The following CCDC171 variants were observed in gnomAD, a reference collection of about 807,000 sequenced individuals.
CCDC171 encodes the protein coiled-coil domain containing 171.
CCDC171 carries 177 observed loss-of-function variants against 168.2 expected under a neutral mutation model. The observed-to-expected ratio is 1.05, with a 90% CI of 0.93 to 1.19. CCDC171 has a LOEUF of 1.19. CCDC171 is among the 50% of genes most tolerant of loss of function. The pLI, the probability that CCDC171 is intolerant of heterozygous loss-of-function variation, is 0.00. For synonymous variants in CCDC171, 687 were observed against 540.8 expected (o/e 1.27, Z -3.75); for missense variants, 1,991 against 1,539.0 (o/e 1.29, Z -4.91).
chr9:15,829,211 A>G (rs2136214911), intron 21 of CCDC171, among the ~76,000 whole-genome samples: 3 of 152,330 alleles, frequency 2.0e-5, no homozygotes, highest in Admixed American at 2.0e-4. Flanking sequence ...TTATAGCAGG[A>G]ATCTGTATTT....
At chr9:15,915,811 T>G (rs1824418796) in intron 24 of CCDC171, among the ~76,000 whole-genome samples, 1 of 152,198 alleles carries the variant, frequency 6.6e-6, no homozygotes, top group Non-Finnish European at 1.5e-5. Flanking sequence ...TTTGAGGATT[T>G]TTATCATGAT....
chr9:16,093,491 G>T, the CCDC171 span, among the ~76,000 whole-genome samples: 1 of 152,224 alleles, frequency 6.6e-6, no homozygotes, highest in Non-Finnish European at 1.5e-5. Context: ...TCTGAAGAAC[G>T]TTTGAAATAT....
chr9:15,581,613 C>T (rs1442178144), intron 4 of CCDC171, among the ~76,000 whole-genome samples: 3 of 152,110 alleles, frequency 2.0e-5, no homozygotes, highest in Non-Finnish European at 4.4e-5. Context: ...ACAGAGCCCT[C>T]AGAAATAACA....
intron 21 of CCDC171, among the ~76,000 whole-genome samples, chr9:15,814,838 A>G (rs2059502094): frequency 6.6e-6 from 1 of 152,172 alleles, no homozygotes; most frequent in African/African-American, 2.4e-5. Context: ...CTATGTAAAA[A>G]GTGTAGTACT....
At chr9:15,643,944 T>C (rs1432978496) in intron 7 of CCDC171, among the ~76,000 whole-genome samples, 5 of 152,246 alleles carry the variant, frequency 3.3e-5, no homozygotes, top group East Asian at 1.9e-4. Context: ...TTCCATTCTA[T>C]GGATTCACAA....
intron 21 of CCDC171, among the ~76,000 whole-genome samples, chr9:15,832,714 A>C (rs536849538): frequency 6.6e-6 from 1 of 152,204 alleles, no homozygotes; most frequent in Non-Finnish European, 1.5e-5. Flanking sequence ...ACATTACTGT[A>C]TACTGCTGTC....
At chr9:15,720,444 G>A (rs369697750) in intron 11 of CCDC171, among the ~76,000 whole-genome samples, 1 of 152,264 alleles carries the variant, frequency 6.6e-6, no homozygotes, top group East Asian at 1.9e-4. Context: ...CCTAAGATTA[G>A]TATGTAGTAG....
chr9:16,030,876 G>A (rs1054937005), intron 6 of CCDC171, among the ~76,000 whole-genome samples: 2 of 152,130 alleles, frequency 1.3e-5, no homozygotes, highest in African/African-American at 4.8e-5. Context: ...TTTTCAAGAG[G>A]GTGGAGGGAA....
At chr9:15,576,252 T>G (rs2040654481) in intron 3 of CCDC171, among the ~76,000 whole-genome samples, 1 of 151,994 alleles carries the variant, frequency 6.6e-6, no homozygotes, top group Non-Finnish European at 1.5e-5. Context: ...GATGTGATCA[T>G]TGCTCCCTAC....
At position 15,626,561 on chromosome 9, in the gene CCDC171, G is replaced by A. The variant is rs150596092; in HGVS notation, c.822+3148G>A. Among the ~76,000 whole-genome samples the A allele has an allele frequency of 2.9e-3, 448 of 152,216 alleles. 1 individual carries two copies. The highest frequency in any genetic ancestry group is 9.6e-3 in the East Asian group (50 of 5,186). On this transcript the variant is annotated intron_variant, in intron 7 of 25. Coordinates refer to ENST00000380701, the MANE Select transcript of CCDC171 (RefSeq NM_173550.4). ...TTTGTCAAAGGCCTTTTCTGCATCT[G>A]TTGAGATAATCATGTGGTTTTTGTC... is the stretch of plus-strand genomic sequence containing the variant.
At chr9:15,890,884 C>G (rs184363122) in intron 24 of CCDC171, among the ~76,000 whole-genome samples, 1 of 152,068 alleles carries the variant, frequency 6.6e-6, no homozygotes, top group Non-Finnish European at 1.5e-5. Flanking sequence ...CTGGCTGAAG[C>G]ATGCAAATTC....
At position 15,967,823 on chromosome 9, in the gene CCDC171, A is replaced by T. The variant is rs569648395; in HGVS notation, c.3754-3786A>T. On this transcript the variant is annotated intron_variant, in intron 25 of 25. Coordinates refer to ENST00000380701, the MANE Select transcript of CCDC171 (RefSeq NM_173550.4). Reference sequence around the variant, plus strand: ...ATTTTTCCTCACTTTTTATAATACTAAATTCTAGAAGACTTAACTTGATCA... The same window carrying T: ...ATTTTTCCTCACTTTTTATAATACTTAATTCTAGAAGACTTAACTTGATCA... Among the ~76,000 whole-genome samples, 147 of 152,318 alleles carry T rather than the reference A, an allele frequency of 9.7e-4. 1 individual carries two copies. Among genetic ancestry groups the T allele is most frequent in the Middle Eastern group, 3.4e-3 (1 of 294 alleles).
intron 25 of CCDC171, among the ~76,000 whole-genome samples, chr9:15,922,892 G>A (rs1014581021): frequency 6.6e-6 from 1 of 151,284 alleles, no homozygotes; most frequent in Non-Finnish European, 1.5e-5. Context: ...TAGGTCTTTT[G>A]CCCATTTTAA....
At chr9:15,892,010 A>G (rs1453155334) in intron 24 of CCDC171, among the ~76,000 whole-genome samples, 3 of 152,122 alleles carry the variant, frequency 2.0e-5, no homozygotes, top group Non-Finnish European at 4.4e-5. Flanking sequence ...TTTCTTACTA[A>G]CAAGAGGCAT....
rs77379536 is a variant in CCDC171, at chr9:16,035,028, T to C, written n.999-429T>C. Among the ~76,000 whole-genome samples, 268 of 152,330 alleles carry C rather than the reference T, an allele frequency of 1.8e-3. 2 individuals carry two copies. The highest frequency in any genetic ancestry group is 6.0e-3 in the African/African-American group (250 of 41,578). ...TCAACCAGATGGCTACCCCAAGACC[T>C]TTGACGTCTCCGTTAGTAGGGCTGA... is the stretch of plus-strand genomic sequence containing the variant. On this transcript the variant is annotated intron_variant and non_coding_transcript_variant, in intron 6 of 9. Transcript: ENST00000486641.
chr9:15,947,052 A>T (rs1259827118), intron 25 of CCDC171, among the ~76,000 whole-genome samples: 2 of 152,046 alleles, frequency 1.3e-5, no homozygotes, highest in African/African-American at 2.4e-5. Context: ...GAAACTAAAA[A>T]ACATGATTCT....
intron 24 of CCDC171, among the ~76,000 whole-genome samples, chr9:15,917,575 AC>A (rs1157032277): frequency 6.6e-6 from 1 of 151,742 alleles, no homozygotes; most frequent in Non-Finnish European, 1.5e-5. Flanking sequence ...AGAGTTATCC[AC>A]TATATAAAAT....
At chr9:15,572,236 A>G (rs2040286716) in intron 3 of CCDC171, among the ~76,000 whole-genome samples, 1 of 152,328 alleles carries the variant, frequency 6.6e-6, no homozygotes, top group South Asian at 2.1e-4. Context: ...GTATATGCAT[A>G]TAGTCCAAGA....
chr9:15,597,868 T>C (rs2042499577), intron 6 of CCDC171, among the ~76,000 whole-genome samples: 1 of 152,196 alleles, frequency 6.6e-6, no homozygotes, highest in East Asian at 1.9e-4. Flanking sequence ...CCTGGTTTAG[T>C]CTTGGGAGGG....
Sources: allele counts gnomAD v4.1 joint callset (sites outside exome capture counted in the v4.1 genomes callset), GRCh38; gene constraint gnomAD v4.1.1; transcripts MANE v1.5; gene names NCBI Gene and HGNC (gene_info 2026-07-23, HGNC 2026-07-21).